The following TEAD4 variants were observed in gnomAD, a reference collection of about 807,000 sequenced individuals.
TEAD4 encodes TEA domain transcription factor 4.
A neutral mutation model predicts 52.4 loss-of-function variants in TEAD4; 36 were observed. That is an observed-to-expected ratio of 0.69 (90% CI 0.53 to 0.91). The LOEUF (loss-of-function observed/expected upper bound fraction) is 0.91, where lower values mean the gene tolerates loss of function less well. Ranked by LOEUF, TEAD4 falls within the 40% of genes least tolerant of loss-of-function variation. The pLI is 0.00. For synonymous variants in TEAD4, 220 were observed against 231.0 expected, an observed-to-expected ratio of 0.95 and a Z score of 0.43; for missense variants, 508 against 583.9, an observed-to-expected ratio of 0.87 and a Z score of 1.34.
In TEAD4 at chr12:3,021,869, T is replaced by C. The variant is rs1490699816; in HGVS notation, c.749T>C (p.Ile250Thr). The C allele has an allele frequency of 1.9e-6, 3 of 1,614,106 alleles. No homozygotes were observed. Among genetic ancestry groups the C allele is most frequent in the Non-Finnish European group, 2.5e-6 (3 of 1,180,046 alleles). Reference sequence around the variant, plus strand: ...TACAACAAGCACCTGTTCGTGCACATTGGCCAGTCCAGCCCAAGCTACAGC... The same window carrying C: ...TACAACAAGCACCTGTTCGTGCACACTGGCCAGTCCAGCCCAAGCTACAGC... Residue 250 changes from isoleucine to threonine, a missense_variant, in exon 10 of 13, where the codon ATT becomes ACT. Physicochemically the swap from Ile to Thr is moderately conservative, Grantham distance 89 (BLOSUM62 -1). Coordinates refer to ENST00000359864, the MANE Select transcript of TEAD4 (RefSeq NM_003213.4).
chr12:2,965,721 T>G (rs139196543), intron 2 of TEAD4, among the ~76,000 whole-genome samples: 161 of 152,168 alleles, frequency 1.1e-3, no homozygotes, highest in African/African-American at 3.7e-3. Flanking sequence ...TTTTTTGTAT[T>G]TTTTAGTAGA....
In TEAD4 at chr12:3,019,257, G is replaced by A. The variant is rs73248841; in HGVS notation, c.583+87G>A. 3.5e-4 allele frequency: 509 copies of A among 1,472,330 alleles called. 2 individuals carry two copies. In the African/African-American group the frequency reaches 5.4e-3, roughly 16 times the overall value. The allele number at this position is 1,472,330 out of a possible 1,614,324, so 91.2% of individuals were successfully genotyped here. ...AGGCCCCCGGCAGCCGAACGCCTGC[G>A]TGTCCCTGTTAGATGCTGCCCCGTC... On this transcript the variant is annotated intron_variant, in intron 8 of 12. Transcript: ENST00000359864.
chr12:2,981,460 G>A (rs2098234056), intron 2 of TEAD4, among the ~76,000 whole-genome samples: 1 of 152,184 alleles, frequency 6.6e-6, no homozygotes, highest in Non-Finnish European at 1.5e-5. Flanking sequence ...TCTGGGAACT[G>A]GGGCTCAGGG....
At chr12:3,013,603 A>G (rs1432755250) in intron 5 of TEAD4, among the ~76,000 whole-genome samples, 3 of 152,144 alleles carry the variant, frequency 2.0e-5, no homozygotes, top group Admixed American at 6.5e-5. Context: ...GTGTGGTGGC[A>G]CACAGCTGTA....
At chr12:3,025,936 C>CTT (rs11370551) in intron 10 of TEAD4, among the ~76,000 whole-genome samples, 9 of 150,272 alleles carry the variant, frequency 6.0e-5, no homozygotes, top group East Asian at 2.0e-4. Flanking sequence ...TATTATGTAA[C>CTT]TTTTTTTTTT....
At chr12:2,988,909 G>A (rs564533658) in intron 2 of TEAD4, among the ~76,000 whole-genome samples, 107 of 152,196 alleles carry the variant, frequency 7.0e-4, no homozygotes, top group Non-Finnish European at 1.5e-3. Context: ...GAAGCTTCTC[G>A]AACCGTCCCA....
intron 2 of TEAD4, among the ~76,000 whole-genome samples, chr12:2,960,626 CTG>C (rs2098214510): frequency 6.6e-6 from 1 of 152,202 alleles, no homozygotes; most frequent in African/African-American, 2.4e-5. Context: ...TGGGTGATGT[CTG>C]TTCACGTGTG....
intron 4 of TEAD4, among the ~76,000 whole-genome samples, chr12:3,011,283 T>A (rs902025835): frequency 6.6e-6 from 1 of 151,910 alleles, no homozygotes; most frequent in African/African-American, 2.4e-5. Flanking sequence ...CAGACTGGAG[T>A]ACAATGACGT....
In TEAD4 at chr12:3,011,001, C is replaced by T; in HGVS notation, c.227-3C>T. ...CACTGAGAGGCTGCTGGTGTCTCTG[C>T]AGGTCGGAACGAGCTGATTGCCCGC... On this transcript the variant is annotated splice_region_variant and splice_polypyrimidine_tract_variant and intron_variant, in intron 3 of 12. Coordinates refer to ENST00000359864, the MANE Select transcript of TEAD4 (RefSeq NM_003213.4). 2 of 1,614,068 alleles carry T rather than the reference C, an allele frequency of 1.2e-6. No individual in the cohort carries two copies. The highest frequency in any genetic ancestry group is 2.2e-5 in the South Asian group (2 of 91,080).
rs1565518245 is a variant in TEAD4, at chr12:2,962,333, A to AAATATATATATAAATATATAT, written c.-30+2294_-30+2295insATATATATATAAATATATATA. ...ATATATAAATATATATATAAATATA[A>AAATATATATATAAATATATAT]ATATATATATATATTTTTTGAGATG... is the stretch of plus-strand genomic sequence containing the variant. On this transcript the variant is annotated intron_variant, in intron 2 of 12. Coordinates refer to ENST00000359864, the MANE Select transcript of TEAD4 (RefSeq NM_003213.4). Among the ~76,000 whole-genome samples, 220 of 38,032 alleles carry AAATATATATATAAATATATAT rather than the reference A, an allele frequency of 5.8e-3. 3 individuals are homozygous for AAATATATATATAAATATATAT. Among genetic ancestry groups the AAATATATATATAAATATATAT allele is most frequent in the East Asian group, 0.049 (127 of 2,616 alleles). The allele number at this position is 38,032 out of a possible 152,430, so 25.0% of individuals were successfully genotyped here.
intron 2 of TEAD4, among the ~76,000 whole-genome samples, chr12:2,978,628 T>C (rs1419467075): frequency 2.6e-5 from 4 of 152,018 alleles, no homozygotes; most frequent in African/African-American, 9.7e-5. Context: ...GGTCTCGAAC[T>C]CCTGACCTCA....
At chr12:2,996,931 A>G (rs12099697) in intron 3 of TEAD4, among the ~76,000 whole-genome samples, 4,007 of 152,288 alleles carry the variant, frequency 0.026, 175 homozygotes, top group African/African-American at 0.09. Flanking sequence ...GTATTTCTAA[A>G]TAAAATACTT....
intron 10 of TEAD4, among the ~76,000 whole-genome samples, chr12:3,026,372 T>C (rs1289972514): frequency 4.6e-5 from 7 of 152,378 alleles, no homozygotes; most frequent in Non-Finnish European, 8.8e-5. Context: ...AAATAGTTTT[T>C]CTTTCACATC....
At chr12:3,005,492 ATTTT>A (rs2098255122) in intron 3 of TEAD4, among the ~76,000 whole-genome samples, 1 of 149,588 alleles carries the variant, frequency 6.7e-6, no homozygotes, top group South Asian at 2.1e-4. Flanking sequence ...ATTTTTATTT[ATTTT>A]GTTTGTTTAT....
rs1465196650 is a variant in TEAD4 at position 3,012,290 on chromosome 12, CT to C, written c.354+60del. ...CCAGGAGTGGTGGCCAGCAGCATAT[CT>C]TCCCTTTGGGGTCAGGGCATCACTG... On this transcript the variant is annotated intron_variant, in intron 5 of 12. Transcript: ENST00000359864. 3 of 1,575,936 alleles carry C rather than the reference CT, an allele frequency of 1.9e-6. No homozygotes were observed. The Admixed American group carries it at 5.2e-5, about 27-fold the overall frequency.
chr12:2,990,461 CTTT>C (rs71057876), intron 2 of TEAD4, among the ~76,000 whole-genome samples: 6 of 67,000 alleles, frequency 9.0e-5, no homozygotes, highest in South Asian at 6.7e-4. Context: ...GACAGATAAT[CTTT>C]TTTTTTTTTT....
In TEAD4 at chr12:3,040,232, C is replaced by T. The variant is rs765684595; in HGVS notation, c.1164C>T (p.Ser388=). 10 of 1,614,086 alleles carry T rather than the reference C, an allele frequency of 6.2e-6. No individual in the cohort carries two copies. The highest frequency in any genetic ancestry group is 5.3e-5 in the African/African-American group (4 of 74,924). The change falls in exon 12 of 13, where the codon AGC becomes AGT. Residue 388 remains serine, a synonymous_variant. Transcript: ENST00000359864. Reference sequence around the variant, plus strand: ...TCCCTGAGAAGTACATGATGAACAGCGTGCTGGAGAACTTCACCATCCTGC... The same window carrying T: ...TCCCTGAGAAGTACATGATGAACAGTGTGCTGGAGAACTTCACCATCCTGC...
intron 10 of TEAD4, among the ~76,000 whole-genome samples, chr12:3,031,622 G>A (rs2098275601): frequency 6.6e-6 from 1 of 152,210 alleles, no homozygotes; most frequent in Non-Finnish European, 1.5e-5. Flanking sequence ...GATACATGCT[G>A]TGAGATAGAT....
intron 10 of TEAD4, among the ~76,000 whole-genome samples, chr12:3,031,163 G>A (rs533288662): frequency 6.6e-6 from 1 of 152,192 alleles, no homozygotes; most frequent in Non-Finnish European, 1.5e-5. Context: ...TGGCAGTGGC[G>A]CTTCCCAACC....
Sources: gnomAD v4.1 joint callset for allele counts (sites outside exome capture counted in the v4.1 genomes callset) on GRCh38, gnomAD v4.1.1 for gene constraint, MANE v1.5 for transcripts, NCBI Gene and HGNC (gene_info 2026-07-23, HGNC 2026-07-21) for gene names.